Variants in EHBP1 observed in about 807,000 individuals in gnomAD.
EHBP1 encodes the protein EH domain binding protein 1.
A neutral mutation model predicts 144.0 loss-of-function variants in EHBP1; 55 were observed. The observed-to-expected ratio is 0.38, with a 90% CI of 0.31 to 0.48. EHBP1 has a LOEUF of 0.48. Among genes scored for constraint, EHBP1 ranks in the 20% least tolerant of loss-of-function variants. EHBP1 has a pLI of 0.98. For missense variants in EHBP1, 1,200 were observed against 1,364.2 expected, an observed-to-expected ratio of 0.88 and a Z score of 1.90; for synonymous variants, 469 against 472.7, an observed-to-expected ratio of 0.99 and a Z score of 0.10.
intron 7 of EHBP1, among the ~76,000 whole-genome samples, chr2:62,847,793 G>A (rs893718016): frequency 5.3e-5 from 8 of 152,138 alleles, no homozygotes; most frequent in African/African-American, 1.9e-4. Context: ...ATGCCTTACA[G>A]CTAAATAATA....
intron 5 of EHBP1, among the ~76,000 whole-genome samples, chr2:62,820,495 A>G (rs904306343): frequency 2.6e-5 from 4 of 151,240 alleles, no homozygotes; most frequent in Non-Finnish European, 5.9e-5. Context: ...AGTAGAAACT[A>G]TCTGTACCCA....
chr2:63,027,738 CTTATAT>C lies in EHBP1; in HGVS notation c.3104-9791_3104-9786del, dbSNP rs548532734. Among the ~76,000 whole-genome samples, 834 of 152,222 alleles carry C rather than the reference CTTATAT, an allele frequency of 5.5e-3. 3 individuals carry two copies. The highest frequency in any genetic ancestry group is 0.013 in the South Asian group (63 of 4,816). ...GAAAGACAAGTATCATATGACCTTACTTATATTTATAATCAAAAAACATTGAACTCA... is the reference window on the plus strand; with the variant it reads ...GAAAGACAAGTATCATATGACCTTACTTATAATCAAAAAACATTGAACTCA... On this transcript the variant is annotated intron_variant, in intron 19 of 22. Transcript: ENST00000431489.
At chr2:62,998,390 A>G (rs562914295) in intron 19 of EHBP1, among the ~76,000 whole-genome samples, 1 of 152,328 alleles carries the variant, frequency 6.6e-6, no homozygotes, top group South Asian at 2.1e-4. Context: ...TATAATTACT[A>G]GACTGAATAA....
At chr2:62,943,658 A>G (rs1014662557) in intron 11 of EHBP1, 144 bp from the exon 12 acceptor site, 14 of 461,618 alleles carry the variant, frequency 3.0e-5, no homozygotes, top group African/African-American at 1.6e-4. Flanking sequence ...TTTCCACACT[A>G]TTAGTTTTGT....
Position 62,771,354 on chromosome 2 carries a change from G to C in EHBP1, c.274G>C (p.Glu92Gln). 1.3e-6 allele frequency: 2 copies of C among 1,592,214 alleles called. No homozygotes were observed. Among genetic ancestry groups the C allele is most frequent in the African/African-American group, 2.7e-5 (2 of 74,272 alleles). Residue 92 changes from glutamate to glutamine, a missense_variant, in exon 5 of 23, where the codon GAA becomes CAA. By Grantham distance (29) the Glu-to-Gln change is conservative. Transcript: ENST00000431489. Reference sequence around the variant, plus strand: ...TTTGTTACAGGATCCTCATGCGGAAGAATTTGAAGACAAAGAGTGGACATT... The same window carrying C: ...TTTGTTACAGGATCCTCATGCGGAACAATTTGAAGACAAAGAGTGGACATT... The part of the protein sequence containing the change: ...VTLFKDPHAE[E>Q]FEDKEWTFVI...
intron 14 of EHBP1, chr2:62,965,129 GCA>G (rs2058186468): frequency 6.6e-6 from 1 of 152,484 alleles, no homozygotes; most frequent in African/African-American, 2.4e-5. Context: ...CCACAGTAGT[GCA>G]GTGACTTTAT....
At chr2:63,013,517 A>AC (rs1263959027) in intron 19 of EHBP1, among the ~76,000 whole-genome samples, 3 of 150,404 alleles carry the variant, frequency 2.0e-5, no homozygotes, top group Non-Finnish European at 3.0e-5. Flanking sequence ...GCTGCTTGAA[A>AC]CCCCCCCAAA....
intron 2 of EHBP1, among the ~76,000 whole-genome samples, chr2:62,720,089 G>T (rs2036077042): frequency 6.6e-6 from 1 of 152,156 alleles, no homozygotes. Flanking sequence ...GAATTAGATT[G>T]TCAAGTGTCT....
At chr2:62,863,837 G>GTTTTTTTTTTTTTTTTTTTTTTTTTTTTT (rs1354945636) in intron 8 of EHBP1, among the ~76,000 whole-genome samples, 2 of 74,576 alleles carry the variant, frequency 2.7e-5, no homozygotes, top group Non-Finnish European at 5.1e-5. Context: ...ATTTTTCTGT[G>GTTTTTTTTTTTTTTTTTTTTTTTTTTTTT]TTGTTTTTTT....
chr2:62,858,559 C>G (rs764784054), intron 7 of EHBP1: 1 of 1,189,430 alleles, frequency 8.4e-7, no homozygotes, highest in Non-Finnish European at 1.3e-6. Flanking sequence ...CCTGTATTTA[C>G]TGTGACCTGC....
intron 10 of EHBP1, among the ~76,000 whole-genome samples, chr2:62,893,359 T>C (rs1401945792): frequency 6.6e-6 from 1 of 152,282 alleles, no homozygotes; most frequent in East Asian, 1.9e-4. Flanking sequence ...GTGTGAGATG[T>C]TAAAGTGCTG....
At chr2:62,809,291 A>AG (rs1390263587) in intron 5 of EHBP1, among the ~76,000 whole-genome samples, 5 of 125,780 alleles carry the variant, frequency 4.0e-5, no homozygotes, top group Non-Finnish European at 8.5e-5. Context: ...ACTATGTCTC[A>AG]GAAAAAAAAA....
chr2:62,835,856 G>C (rs1240296587), intron 7 of EHBP1, among the ~76,000 whole-genome samples: 1 of 152,062 alleles, frequency 6.6e-6, no homozygotes, highest in African/African-American at 2.4e-5. Flanking sequence ...CACGGAATCT[G>C]GCTGATTGCT....
chr2:62,836,216 C>A (rs1299455451), intron 7 of EHBP1, among the ~76,000 whole-genome samples: 1 of 152,076 alleles, frequency 6.6e-6, no homozygotes, highest in Non-Finnish European at 1.5e-5. Context: ...TGGGAGGCAC[C>A]CCCCAGCAGG....
chr2:62,977,645 C>A (rs908830419), intron 14 of EHBP1, among the ~76,000 whole-genome samples: 2 of 151,890 alleles, frequency 1.3e-5, no homozygotes, highest in African/African-American at 4.8e-5. Context: ...GTATATTCTC[C>A]TGCTTGAAAT....
chr2:62,803,602 G>A (rs2044209567), intron 5 of EHBP1, among the ~76,000 whole-genome samples: 1 of 152,142 alleles, frequency 6.6e-6, no homozygotes, highest in African/African-American at 2.4e-5. Flanking sequence ...ATGTTTTTCT[G>A]TGAATTGTTC....
chr2:62,845,914 G>A (rs1381532204), intron 7 of EHBP1, among the ~76,000 whole-genome samples: 5 of 152,158 alleles, frequency 3.3e-5, no homozygotes, highest in African/African-American at 4.8e-5. Flanking sequence ...TAGGAGGAAA[G>A]CAGAGAGGTA....
At chr2:62,733,441 T>G (rs1225450113) in intron 2 of EHBP1, among the ~76,000 whole-genome samples, 2 of 152,184 alleles carry the variant, frequency 1.3e-5, no homozygotes, top group Admixed American at 1.3e-4. Context: ...CCTACTGATA[T>G]GGTGGTAAGG....
intron 7 of EHBP1, among the ~76,000 whole-genome samples, chr2:62,855,870 T>A (rs1033689427): frequency 6.6e-5 from 10 of 151,904 alleles, no homozygotes; most frequent in African/African-American, 2.2e-4. Context: ...AGAAAGACAA[T>A]GGGTCGACCT....
Sources: gnomAD v4.1 joint callset for allele counts (sites outside exome capture counted in the v4.1 genomes callset) on GRCh38, gnomAD v4.1.1 for gene constraint, MANE v1.5 for transcripts, NCBI Gene and HGNC (gene_info 2026-07-23, HGNC 2026-07-21) for gene names.